The following NPLOC4 variants were observed in gnomAD, a reference collection of about 807,000 sequenced individuals.
NPLOC4 encodes NPL4 homolog, ubiquitin recognition factor.
Under a neutral mutation model 80.6 loss-of-function variants are expected in NPLOC4, and 18 were observed. The observed-to-expected ratio is 0.22, with a 90% CI of 0.15 to 0.33. The LOEUF (loss-of-function observed/expected upper bound fraction) is 0.33. Ranked by LOEUF, NPLOC4 falls within the 10% of genes least tolerant of loss-of-function variation. NPLOC4 has a pLI of 1.00. For missense variants in NPLOC4, 540 were observed against 786.1 expected, an observed-to-expected ratio of 0.69 and a Z score of 3.74; for synonymous variants, 313 against 301.5, an observed-to-expected ratio of 1.04 and a Z score of -0.39.
chr17:81,615,792 A>G (rs2035468237), intron 3 of NPLOC4, among the ~76,000 whole-genome samples: 1 of 152,232 alleles, frequency 6.6e-6, no homozygotes, highest in South Asian at 2.1e-4. Context: ...AGCTGAAAAT[A>G]GGAACCAAGG....
At chr17:81,635,804 C>T (rs1257492012) in intron 1 of NPLOC4, among the ~76,000 whole-genome samples, 1 of 152,132 alleles carries the variant, frequency 6.6e-6, no homozygotes, top group Non-Finnish European at 1.5e-5. Flanking sequence ...TAAGCTTCCC[C>T]CAGAAATCCC....
chr17:81,571,292 G>C (rs1303699235), intron 13 of NPLOC4, among the ~76,000 whole-genome samples: 3 of 152,246 alleles, frequency 2.0e-5, no homozygotes, highest in Non-Finnish European at 4.4e-5. Context: ...TTTGGACAGA[G>C]CTCCGGTGGG....
intron 11 of NPLOC4, among the ~76,000 whole-genome samples, chr17:81,594,090 G>A (rs989542037): frequency 1.3e-5 from 2 of 151,600 alleles, no homozygotes; most frequent in African/African-American, 4.9e-5. Context: ...TGGCTAACAC[G>A]GTGAAACCCC....
intron 7 of NPLOC4, among the ~76,000 whole-genome samples, chr17:81,605,647 C>CAAA (rs879678650): frequency 7.8e-6 from 1 of 128,102 alleles, no homozygotes; most frequent in African/African-American, 2.9e-5. Context: ...GACTCTGTCT[C>CAAA]AAAAAAAAAA....
intron 16 of NPLOC4, chr17:81,564,893 G>A (rs774439948): frequency 1.1e-4 from 21 of 188,982 alleles, no homozygotes; most frequent in East Asian, 1.7e-4. Context: ...CGTAGCTCCC[G>A]GGCACTCTGG....
intron 16 of NPLOC4, among the ~76,000 whole-genome samples, chr17:81,559,719 G>A (rs1037229180): frequency 7.3e-5 from 10 of 136,360 alleles, no homozygotes; most frequent in Admixed American, 1.5e-4. Context: ...CATTTGGGTT[G>A]TTTCCAGCTT....
intron 12 of NPLOC4, among the ~76,000 whole-genome samples, chr17:81,585,673 G>C (rs865994523): frequency 7.5e-6 from 1 of 132,530 alleles, no homozygotes; most frequent in South Asian, 2.6e-4. Flanking sequence ...GGGGGGGGGG[G>C]AAAGAAAGAA....
intron 3 of NPLOC4, among the ~76,000 whole-genome samples, chr17:81,621,789 G>A (rs1415760783): frequency 6.6e-6 from 1 of 152,196 alleles, no homozygotes; most frequent in Non-Finnish European, 1.5e-5. Flanking sequence ...GGCCACTGCA[G>A]TGGCAGCACT....
chr17:81,622,075 T>C, intron 3 of NPLOC4, 91 bp downstream of exon 3: 2 of 850,858 alleles, frequency 2.4e-6, no homozygotes, highest in Admixed American at 3.7e-5. Flanking sequence ...AGTGGTGTGA[T>C]GAGGAAAGAG....
chr17:81,634,768 A>G (rs1015023786), intron 1 of NPLOC4, among the ~76,000 whole-genome samples: 3 of 151,858 alleles, frequency 2.0e-5, no homozygotes, highest in Non-Finnish European at 2.9e-5. Context: ...TATTTTTAGT[A>G]GAGACAGGGT....
chr17:81,573,485 A>AT (rs11386487), intron 12 of NPLOC4: 35,511 of 152,150 alleles, frequency 0.23, 4,446 homozygotes, highest in Middle Eastern at 0.3. Flanking sequence ...TGAAAATTAA[A>AT]TTCTGGCTGG....
chr17:81,634,747 G>T (rs191889674), intron 1 of NPLOC4, among the ~76,000 whole-genome samples: 1 of 151,924 alleles, frequency 6.6e-6, no homozygotes, highest in South Asian at 2.1e-4. Context: ...CACCACACCC[G>T]GCTAATTTTT....
chr17:81,579,952 C>T (rs2034396017), intron 12 of NPLOC4, among the ~76,000 whole-genome samples: 1 of 152,112 alleles, frequency 6.6e-6, no homozygotes, highest in South Asian at 2.1e-4. Context: ...TACTACTCAG[C>T]CAGGCTCATC....
intron 8 of NPLOC4, 32 bp from the exon 9 acceptor site, chr17:81,600,459 A>T: frequency 6.4e-7 from 1 of 1,558,962 alleles, no homozygotes. Flanking sequence ...AGATGGACTT[A>T]GAGCAGAGGG....
At chr17:81,570,587 G>C (rs2034135783) in intron 13 of NPLOC4, among the ~76,000 whole-genome samples, 1 of 152,196 alleles carries the variant, frequency 6.6e-6, no homozygotes, top group African/African-American at 2.4e-5. Flanking sequence ...TCCCAAGGAA[G>C]GGCATCAGCT....
intron 4 of NPLOC4, among the ~76,000 whole-genome samples, chr17:81,612,071 A>G (rs1034489218): frequency 3.9e-5 from 6 of 152,116 alleles, no homozygotes; most frequent in African/African-American, 1.4e-4. Context: ...GAAAATACCT[A>G]CTTCATATGC....
chr17:81,623,507 T>TA (rs2035721541), intron 2 of NPLOC4, among the ~76,000 whole-genome samples: 1 of 62,502 alleles, frequency 1.6e-5, no homozygotes, highest in Non-Finnish European at 3.5e-5. Flanking sequence ...CTCAAAAAAA[T>TA]AAAAAACCCG....
At chr17:81,595,764 G>T (rs992048353) in intron 11 of NPLOC4, among the ~76,000 whole-genome samples, 1 of 151,848 alleles carries the variant, frequency 6.6e-6, no homozygotes, top group African/African-American at 2.4e-5. Flanking sequence ...GGCTGATCTC[G>T]AACTCCTGAC....
At chr17:81,560,188 C>A (rs547954177) in intron 16 of NPLOC4, among the ~76,000 whole-genome samples, 2 of 144,876 alleles carry the variant, frequency 1.4e-5, no homozygotes, top group Non-Finnish European at 3.0e-5. Context: ...GAGGCCGAGG[C>A]GGGTGGATCA....
Sources: allele counts gnomAD v4.1 joint callset (sites outside exome capture counted in the v4.1 genomes callset), GRCh38; gene constraint gnomAD v4.1.1; transcripts MANE v1.5; gene names NCBI Gene and HGNC (gene_info 2026-07-23, HGNC 2026-07-21).